NAALADL2: variants seen among roughly 807,000 people sequenced by gnomAD.
NAALADL2 encodes the protein inactive N-acetylated-alpha-linked acidic dipeptidase-like protein 2.
A neutral mutation model predicts 87.2 loss-of-function variants in NAALADL2; 76 were observed. The observed-to-expected ratio is 0.87, with a 90% CI of 0.72 to 1.05. NAALADL2 has a LOEUF of 1.05. Among genes scored for constraint, NAALADL2 ranks in the 50% least tolerant of loss-of-function variants. The pLI, the probability that NAALADL2 is intolerant of heterozygous loss-of-function variation, is 0.00. For missense variants in NAALADL2, 1,089 were observed against 945.8 expected, an observed-to-expected ratio of 1.15 and a Z score of -1.99; for synonymous variants, 354 against 331.0, an observed-to-expected ratio of 1.07 and a Z score of -0.75.
chr3:174,479,953 A>AT (rs1367057496), intron 1 of NAALADL2, among the ~76,000 whole-genome samples: 1 of 152,174 alleles, frequency 6.6e-6, no homozygotes, highest in African/African-American at 2.4e-5. Flanking sequence ...TAAAAATGAC[A>AT]TTTTAATAGA....
intron 11 of NAALADL2, among the ~76,000 whole-genome samples, chr3:175,706,883 C>G (rs1292933199): frequency 2.0e-5 from 3 of 152,066 alleles, no homozygotes; most frequent in Non-Finnish European, 4.4e-5. Flanking sequence ...CCAGGGCACT[C>G]ATAATAATGA....
chr3:174,886,744 G>A (rs1730200721), intron 1 of NAALADL2, among the ~76,000 whole-genome samples: 1 of 152,166 alleles, frequency 6.6e-6, no homozygotes. Flanking sequence ...GCTATTAGGT[G>A]AAGTTGATAA....
chr3:175,038,776 T>A (rs1017333008), intron 1 of NAALADL2, among the ~76,000 whole-genome samples: 11 of 152,008 alleles, frequency 7.2e-5, no homozygotes, highest in South Asian at 2.1e-4. Flanking sequence ...GAGGTGGAAG[T>A]GGAATTTTCT....
chr3:175,770,011 G>A (rs1385599118), intron 13 of NAALADL2, among the ~76,000 whole-genome samples: 1 of 151,960 alleles, frequency 6.6e-6, no homozygotes, highest in Non-Finnish European at 1.5e-5. Context: ...CAACTGATTA[G>A]ATGAAGCCTA....
At chr3:175,748,555 G>C (rs193090064) in intron 12 of NAALADL2, among the ~76,000 whole-genome samples, 1 of 152,096 alleles carries the variant, frequency 6.6e-6, no homozygotes, top group African/African-American at 2.4e-5. Context: ...TTAAAACTGT[G>C]GTAAGCTCAT....
intron 3 of NAALADL2, among the ~76,000 whole-genome samples, chr3:174,770,507 A>G (rs1714396826): frequency 6.6e-6 from 1 of 152,210 alleles, no homozygotes. Context: ...GCGAGCTAAC[A>G]TAATTCAGTA....
At chr3:175,551,709 C>A (rs537412847) in intron 9 of NAALADL2, among the ~76,000 whole-genome samples, 2 of 152,154 alleles carry the variant, frequency 1.3e-5, no homozygotes, top group East Asian at 1.9e-4. Context: ...ACCATCCTGG[C>A]TAACACGGTG....
chr3:175,340,400 G>A (rs1295269929), intron 5 of NAALADL2, among the ~76,000 whole-genome samples: 2 of 152,084 alleles, frequency 1.3e-5, no homozygotes, highest in Non-Finnish European at 2.9e-5. Flanking sequence ...TGAGATGTAT[G>A]ATATCTCTAA....
At chr3:174,981,782 A>G (rs1745150438) in intron 1 of NAALADL2, among the ~76,000 whole-genome samples, 3 of 152,062 alleles carry the variant, frequency 2.0e-5, no homozygotes, top group Admixed American at 6.5e-5. Flanking sequence ...TATTTCCAGT[A>G]CTCACCTACC....
At chr3:174,493,713 G>A (rs1235334648) in intron 1 of NAALADL2, among the ~76,000 whole-genome samples, 1 of 152,030 alleles carries the variant, frequency 6.6e-6, no homozygotes, top group Non-Finnish European at 1.5e-5. Flanking sequence ...ACAGAAGAGG[G>A]AACCTAGCTC....
intron 1 of NAALADL2, among the ~76,000 whole-genome samples, chr3:174,902,574 A>C (rs1465662719): frequency 6.6e-6 from 1 of 152,186 alleles, no homozygotes; most frequent in African/African-American, 2.4e-5. Context: ...AACATTATCT[A>C]GGTTCTATTA....
chr3:175,611,937 T>C (rs986183314), intron 10 of NAALADL2, among the ~76,000 whole-genome samples: 1 of 152,194 alleles, frequency 6.6e-6, no homozygotes, highest in East Asian at 1.9e-4. Flanking sequence ...AGTGCCTTTA[T>C]TGATTTCCAG....
chr3:174,501,294 G>A (rs1718875748), intron 1 of NAALADL2, among the ~76,000 whole-genome samples: 2 of 150,316 alleles, frequency 1.3e-5, no homozygotes, highest in Admixed American at 1.3e-4. Flanking sequence ...TAGCCGGGAT[G>A]GTCTCGATCT....
At chr3:174,835,434 C>T (rs189346382) in intron 3 of NAALADL2, among the ~76,000 whole-genome samples, 1 of 152,170 alleles carries the variant, frequency 6.6e-6, no homozygotes, top group East Asian at 1.9e-4. Context: ...TGCCTTCTGA[C>T]ATTGGATTTA....
chr3:174,559,573 G>A (rs572309920), intron 2 of NAALADL2, among the ~76,000 whole-genome samples: 29 of 152,268 alleles, frequency 1.9e-4, no homozygotes, highest in African/African-American at 7.0e-4. Context: ...ACTATAGACT[G>A]GGTGACCTAT....
At chr3:175,137,546 C>T (rs1018194911) in intron 2 of NAALADL2, among the ~76,000 whole-genome samples, 1 of 151,476 alleles carries the variant, frequency 6.6e-6, no homozygotes, top group African/African-American at 2.4e-5. Context: ...ATATATCTCA[C>T]ATTCAGATAT....
intron 1 of NAALADL2, among the ~76,000 whole-genome samples, chr3:174,918,545 G>A (rs1037894355): frequency 2.6e-5 from 4 of 152,268 alleles, no homozygotes; most frequent in African/African-American, 9.6e-5. Flanking sequence ...TGATTGCGCT[G>A]ATCAAGGATC....
At chr3:174,776,492 C>T (rs1010789968) in intron 3 of NAALADL2, among the ~76,000 whole-genome samples, 2 of 152,056 alleles carry the variant, frequency 1.3e-5, no homozygotes, top group African/African-American at 2.4e-5. Flanking sequence ...TATACTCTAT[C>T]GAGTCCCTGG....
intron 1 of NAALADL2, among the ~76,000 whole-genome samples, chr3:174,482,687 T>TTCATAGATAC (rs1717633280): frequency 1.3e-5 from 2 of 152,002 alleles, no homozygotes; most frequent in African/African-American, 4.8e-5. Context: ...AACCCCTCTG[T>TTCATAGATAC]CTTATTCCTT....
Sources: gnomAD v4.1 joint callset for allele counts (sites outside exome capture counted in the v4.1 genomes callset) on GRCh38, gnomAD v4.1.1 for gene constraint, MANE v1.5 for transcripts, NCBI Gene and HGNC (gene_info 2026-07-23, HGNC 2026-07-21) for gene names.